Variants in ERCC6L2 observed in about 807,000 individuals in gnomAD.
ERCC6L2 encodes the protein DNA excision repair protein ERCC-6-like 2.
In ERCC6L2, 77 loss-of-function variants were observed where a neutral mutation model predicts 132.0. That is an observed-to-expected ratio of 0.58 (90% CI 0.49 to 0.71). The LOEUF is 0.71. Ranked by LOEUF, ERCC6L2 falls within the 30% of genes least tolerant of loss-of-function variation. The probability of loss-of-function intolerance (pLI) is 0.00; values close to 1 mark genes in which losing one functional copy is unlikely to be tolerated. For synonymous variants in ERCC6L2, 583 were observed against 632.4 expected (o/e 0.92, Z 1.17); for missense variants, 1,542 against 1,837.6 (o/e 0.84, Z 2.94).
chr9:95,928,404 C>T (rs1273771822), intron 10 of ERCC6L2: 12 of 407,338 alleles, frequency 2.9e-5, no homozygotes, highest in Non-Finnish European at 4.7e-5. Flanking sequence ...TTCTTTAAGA[C>T]ATTTCATATA....
At position 96,015,014 on chromosome 9, in the gene ERCC6L2, A is replaced by ATTTTTT. The variant is rs1564306540; in HGVS notation, c.*1811_*1812insTTTTTT. ...AGCTCTATAGTCTTCATATATGTAC[A>ATTTTTT]GTTTTTTTTTTTTTTTTTTTTTTTT... On this transcript the variant is annotated 3_prime_UTR_variant, in exon 19 of 19. Transcript: ENST00000653738. 1.5e-5 allele frequency among the ~76,000 whole-genome samples: 1 copy of ATTTTTT among 66,146 alleles called. No homozygotes were observed. Among genetic ancestry groups the ATTTTTT allele is most frequent in the African/African-American group, 7.7e-5 (1 of 12,932 alleles). The allele number at this position is 66,146 out of a possible 152,430, so 43.4% of individuals were successfully genotyped here. A position where few individuals can be genotyped will look rare whatever the true frequency, so the allele number is the denominator to read the frequency against.
chr9:95,877,988 G>T (rs541543549), intron 1 of ERCC6L2, among the ~76,000 whole-genome samples: 1 of 152,240 alleles, frequency 6.6e-6, no homozygotes, highest in Non-Finnish European at 1.5e-5. Flanking sequence ...TAAATGTTAT[G>T]ATAAGTGCTA....
intron 2 of ERCC6L2, 41 bp from the exon 3 acceptor site, chr9:95,897,808 A>G (rs1828546844): frequency 1.2e-6 from 2 of 1,601,278 alleles, no homozygotes; most frequent in Non-Finnish European, 1.7e-6. Flanking sequence ...GTACGTCATG[A>G]TACATTATAC....
At chr9:95,914,600 C>G (rs987332545) in intron 4 of ERCC6L2, among the ~76,000 whole-genome samples, 16 of 152,184 alleles carry the variant, frequency 1.1e-4, no homozygotes, top group African/African-American at 3.9e-4. Context: ...GATCCACCCG[C>G]CTCAGCCTCC....
chr9:95,957,417 T>A (rs1426231858), intron 13 of ERCC6L2, among the ~76,000 whole-genome samples: 2 of 152,044 alleles, frequency 1.3e-5, no homozygotes, highest in Admixed American at 6.6e-5. Context: ...CATTTTTTTT[T>A]TTTTTTTTGG....
At chr9:96,006,167 A>G (rs1472086149) in intron 18 of ERCC6L2, among the ~76,000 whole-genome samples, 1 of 152,240 alleles carries the variant, frequency 6.6e-6, no homozygotes, top group Non-Finnish European at 1.5e-5. Flanking sequence ...AATGGTCTTC[A>G]GAACTGTGAG....
intron 18 of ERCC6L2, among the ~76,000 whole-genome samples, chr9:96,006,138 C>T (rs1833855245): frequency 6.6e-6 from 1 of 152,120 alleles, no homozygotes; most frequent in South Asian, 2.1e-4. Context: ...ATTTGGGAGT[C>T]ATCAGCATAG....
intron 2 of ERCC6L2, among the ~76,000 whole-genome samples, chr9:95,883,642 C>T (rs1471536200): frequency 6.6e-6 from 1 of 152,130 alleles, no homozygotes; most frequent in Non-Finnish European, 1.5e-5. Context: ...GGGCGGATCA[C>T]GAGGTCAAGA....
Position 95,900,183 on chromosome 9 carries a change from C to T in ERCC6L2, c.594+2212C>T, listed in dbSNP as rs541721525. On this transcript the variant is annotated intron_variant, in intron 3 of 18. Coordinates refer to ENST00000653738, the MANE Select transcript of ERCC6L2 (RefSeq NM_020207.7). ...GGAGGATCGCCCAGGAGTTTGAGAC[C>T]GGCCTGCGCACCATAAGAATACCCT... Among the ~76,000 whole-genome samples, 18 of 152,024 alleles carry T rather than the reference C, an allele frequency of 1.2e-4. No individual in the cohort carries two copies. The South Asian group carries it at 2.5e-3, about 21-fold the overall frequency.
chr9:96,008,632 C>T (rs1042420702), intron 18 of ERCC6L2, among the ~76,000 whole-genome samples: 7 of 152,306 alleles, frequency 4.6e-5, no homozygotes, highest in Non-Finnish European at 7.3e-5. Context: ...AATGAAACTT[C>T]ACATTATAAC....
intron 12 of ERCC6L2, chr9:95,954,772 C>G (rs1202880713): frequency 4.2e-6 from 2 of 471,050 alleles, no homozygotes; most frequent in African/African-American, 4.0e-5. Context: ...GAGCCCCTCT[C>G]CTCTGCTCCT....
intron 3 of ERCC6L2, among the ~76,000 whole-genome samples, chr9:95,901,799 T>C (rs1828792953): frequency 6.6e-6 from 1 of 152,236 alleles, no homozygotes; most frequent in Non-Finnish European, 1.5e-5. Flanking sequence ...TGAACTGGAA[T>C]TTAGAGTTTT....
intron 11 of ERCC6L2, among the ~76,000 whole-genome samples, chr9:95,940,382 C>A (rs1203426598): frequency 6.6e-6 from 1 of 152,084 alleles, no homozygotes; most frequent in Non-Finnish European, 1.5e-5. Context: ...TTCGGCATTA[C>A]CAACAGCTTG....
At chr9:95,918,138 A>C (rs1000088933) in intron 6 of ERCC6L2, 1 of 452,208 alleles carries the variant, frequency 2.2e-6, no homozygotes, top group African/African-American at 2.0e-5. Context: ...AGATAAAAAT[A>C]GCTTCCAAAA....
intron 17 of ERCC6L2, among the ~76,000 whole-genome samples, chr9:95,980,363 G>A (rs543079268): frequency 1.2e-4 from 19 of 152,086 alleles, no homozygotes; most frequent in Non-Finnish European, 2.4e-4. Flanking sequence ...GAAGATAAAG[G>A]AATTAGCTGT....
At chr9:95,951,219 A>G (rs866886472) in intron 12 of ERCC6L2, among the ~76,000 whole-genome samples, 8 of 152,218 alleles carry the variant, frequency 5.3e-5, no homozygotes, top group South Asian at 2.1e-4. Context: ...ACACTTAACA[A>G]AAGGGTTGAA....
intron 13 of ERCC6L2, among the ~76,000 whole-genome samples, chr9:95,957,182 A>G (rs1342158316): frequency 6.6e-6 from 1 of 152,200 alleles, no homozygotes; most frequent in Non-Finnish European, 1.5e-5. Flanking sequence ...GATACTTGAG[A>G]CAATCTGGAA....
chr9:95,888,886 G>A (rs1226518122), intron 2 of ERCC6L2, among the ~76,000 whole-genome samples: 1 of 152,056 alleles, frequency 6.6e-6, no homozygotes, highest in Non-Finnish European at 1.5e-5. Flanking sequence ...ATACCTATTA[G>A]TATATTTTAA....
intron 3 of ERCC6L2, chr9:95,905,096 A>G (rs1828967544): frequency 6.6e-6 from 1 of 152,180 alleles, no homozygotes; most frequent in Non-Finnish European, 1.5e-5. Flanking sequence ...GATTAGAGGA[A>G]TAGCTCCCAG....
Sources: gnomAD v4.1 joint callset for allele counts (sites outside exome capture counted in the v4.1 genomes callset) on GRCh38, gnomAD v4.1.1 for gene constraint, MANE v1.5 for transcripts, NCBI Gene and HGNC (gene_info 2026-07-23, HGNC 2026-07-21) for gene names.